The following TNN variants were observed in gnomAD, a reference collection of about 807,000 sequenced individuals.
TNN encodes the protein tenascin-N.
In TNN, 122 loss-of-function variants were observed where a neutral mutation model predicts 134.4. The ratio of observed to expected loss-of-function variants is 0.91; its 90% CI spans 0.78 to 1.06. The LOEUF (loss-of-function observed/expected upper bound fraction) is 1.06, where lower values mean the gene tolerates loss of function less well. Ranked by LOEUF, TNN falls within the 50% of genes least tolerant of loss-of-function variation. TNN has a pLI of 0.00. For missense variants in TNN, 1,739 were observed against 1,699.4 expected, an observed-to-expected ratio of 1.02 and a Z score of -0.41; for synonymous variants, 710 against 670.3, an observed-to-expected ratio of 1.06 and a Z score of -0.91.
chr1:175,086,213 C>G (rs893663401), intron 6 of TNN, among the ~76,000 whole-genome samples: 1 of 152,156 alleles, frequency 6.6e-6, no homozygotes, highest in Admixed American at 6.5e-5. Flanking sequence ...ATTCAGTAGA[C>G]TCCTCTAAAA....
chr1:175,143,417 G>A (rs1440575308), intron 17 of TNN, among the ~76,000 whole-genome samples: 1 of 152,092 alleles, frequency 6.6e-6, no homozygotes, highest in Non-Finnish European at 1.5e-5. Flanking sequence ...AGATACATAA[G>A]CAAAATAATT....
intron 9 of TNN, among the ~76,000 whole-genome samples, chr1:175,101,130 G>A (rs1674711173): frequency 6.6e-6 from 1 of 152,316 alleles, no homozygotes; most frequent in Middle Eastern, 3.4e-3. Context: ...TGAAGCTGCG[G>A]ACCCTCGCGG....
chr1:175,137,915 AAGG>A (rs1410114965), intron 17 of TNN, among the ~76,000 whole-genome samples: 1 of 152,238 alleles, frequency 6.6e-6, no homozygotes, highest in Non-Finnish European at 1.5e-5. Flanking sequence ...AGAGTCAAAT[AAGG>A]GGTGAGAAAC....
intron 2 of TNN, among the ~76,000 whole-genome samples, chr1:175,078,246 T>C (rs2269647): frequency 0.23 from 34,427 of 152,144 alleles, 4,564 homozygotes; most frequent in African/African-American, 0.37. Context: ...AAATCCCTTA[T>C]GTTTCCTCAA....
At chr1:175,142,103 G>T (rs1675955416) in intron 17 of TNN, among the ~76,000 whole-genome samples, 1 of 152,310 alleles carries the variant, frequency 6.6e-6, no homozygotes, top group South Asian at 2.1e-4. Flanking sequence ...TCAAGCTGTG[G>T]TTAACTTTCT....
rs1023399787 is a variant in TNN, at chr1:175,148,067, A to T, written c.*996A>T. 12 of 151,978 alleles carry T rather than the reference A, an allele frequency of 7.9e-5. No homozygotes were observed. Among genetic ancestry groups the T allele is most frequent in the African/African-American group, 2.7e-4 (11 of 41,444 alleles). The allele number at this position is 151,978 out of a possible 1,614,324, so 9.4% of individuals were successfully genotyped here. A position where few individuals can be genotyped will look rare whatever the true frequency, so the allele number is the denominator to read the frequency against. On this transcript the variant is annotated 3_prime_UTR_variant, in exon 19 of 19. Transcript: ENST00000239462. The stretch of plus-strand genomic sequence containing the variant: ...AAAAAAATAATAAACCACTTGATTT[A>T]AAAAAAAATTGCCATGTGTTATTTT...
At chr1:175,146,816 G>C (rs918379816) in intron 18 of TNN, 115 bp from the exon 19 acceptor site, 4 of 1,025,486 alleles carry the variant, frequency 3.9e-6, no homozygotes, top group African/African-American at 3.3e-5. Flanking sequence ...CCTGAGCAGA[G>C]AGGGAGTGGT....
intron 17 of TNN, among the ~76,000 whole-genome samples, chr1:175,138,824 A>C (rs1675880205): frequency 6.6e-6 from 1 of 152,222 alleles, no homozygotes; most frequent in South Asian, 2.1e-4. Flanking sequence ...ATGCACTTAC[A>C]CAAATCTAGA....
rs997762502 is a variant in TNN, at chr1:175,098,667, C to T, written c.2119+72C>T. 8.1e-6 allele frequency: 13 copies of T among 1,598,194 alleles called. No individual in the cohort carries two copies. The Admixed American group carries it at 8.9e-5, about 11-fold the overall frequency. On this transcript the variant is annotated intron_variant, in intron 9 of 18. Coordinates refer to ENST00000239462, the MANE Select transcript of TNN (RefSeq NM_022093.2). ...GTCTACATGGGGTTTTCTTCTCTGA[C>T]CTTGGCATAAAGGGGGACTTTATGG...
At position 175,109,072 on chromosome 1, in the gene TNN, A is replaced by ATTTTTTTTTTTTTTT. The variant is rs1160268455; in HGVS notation, c.2120-7854_2120-7840dup. ...GAATGTATTTCTTCTATCTAACTGT[A>ATTTTTTTTTTTTTTT]TTTTTTTTTTTTTTTTTTTTTTTTT... On this transcript the variant is annotated intron_variant, in intron 9 of 18. Transcript: ENST00000239462. 8.7e-4 allele frequency among the ~76,000 whole-genome samples: 54 copies of ATTTTTTTTTTTTTTT among 61,976 alleles called. 12 individuals carry two copies. The highest frequency in any genetic ancestry group is 1.6e-3 in the African/African-American group (24 of 14,916). The allele number at this position is 61,976 out of a possible 152,430, so 40.7% of individuals were successfully genotyped here.
At chr1:175,134,000 C>T (rs1253296222) in intron 15 of TNN, among the ~76,000 whole-genome samples, 1 of 152,170 alleles carries the variant, frequency 6.6e-6, no homozygotes, top group Non-Finnish European at 1.5e-5. Flanking sequence ...TGCAAACAGT[C>T]ACATGGCTCC....
intron 4 of TNN, among the ~76,000 whole-genome samples, chr1:175,083,007 G>T (rs1674233259): frequency 6.7e-6 from 1 of 149,568 alleles, no homozygotes; most frequent in South Asian, 2.1e-4. Context: ...CTGAGTAGAA[G>T]AGTAAACATT....
intron 3 of TNN, among the ~76,000 whole-genome samples, 179 bp from the exon 4 acceptor site, chr1:175,079,983 TG>T (rs774972469): frequency 1.3e-5 from 2 of 151,636 alleles, no homozygotes. Flanking sequence ...TGTGTGTGTG[TG>T]GTGAGGGGGT....
chr1:175,108,432 C>T (rs989438194), intron 9 of TNN, among the ~76,000 whole-genome samples: 5 of 152,360 alleles, frequency 3.3e-5, no homozygotes, highest in Admixed American at 6.5e-5. Flanking sequence ...GGTGGAGCTG[C>T]CTGCCAGTCC....
At chr1:175,083,677 C>T in intron 4 of TNN, 73 bp from the exon 5 acceptor site, 2 of 1,443,764 alleles carry the variant, frequency 1.4e-6, no homozygotes, top group Non-Finnish European at 9.5e-7. Context: ...ACCTGATAAC[C>T]AACAGCCTGT....
intron 6 of TNN, among the ~76,000 whole-genome samples, chr1:175,089,944 C>A (rs1434842365): frequency 6.6e-6 from 1 of 152,208 alleles, no homozygotes; most frequent in East Asian, 1.9e-4. Flanking sequence ...GAGCTCCTGT[C>A]ACCATTGAGA....
At chr1:175,125,703 CTCTTTCTTTCTTTCTT>C (rs1173340653) in intron 12 of TNN, among the ~76,000 whole-genome samples, 2,773 of 66,134 alleles carry the variant, frequency 0.042, 66 homozygotes, top group African/African-American at 0.082. Context: ...TCTTTTTTCT[CTCTTTCTTTCTTTCTT>C]TCTTTCTTTC....
At chr1:175,079,226 A>T in intron 2 of TNN, 107 bp from the exon 3 acceptor site, 2 of 1,319,190 alleles carry the variant, frequency 1.5e-6, no homozygotes, top group Non-Finnish European at 2.0e-6. Context: ...CCAGACCCTT[A>T]AGAGTGGGGC....
intron 17 of TNN, among the ~76,000 whole-genome samples, chr1:175,140,023 A>C (rs1675909517): frequency 6.6e-6 from 1 of 152,250 alleles, no homozygotes; most frequent in Non-Finnish European, 1.5e-5. Flanking sequence ...GAGGATATTA[A>C]CTGAATAAGA....
Sources: allele counts gnomAD v4.1 joint callset (sites outside exome capture counted in the v4.1 genomes callset), GRCh38; gene constraint gnomAD v4.1.1; transcripts MANE v1.5; gene names NCBI Gene and HGNC (gene_info 2026-07-23, HGNC 2026-07-21).